The following TENM3 variants were observed in gnomAD, a reference collection of about 807,000 sequenced individuals.
The protein encoded by TENM3 is teneurin transmembrane protein 3.
In TENM3, 63 loss-of-function variants were observed where a neutral mutation model predicts 255.1. That is an observed-to-expected ratio of 0.25 (90% CI 0.20 to 0.30). TENM3 has a LOEUF of 0.30. Ranked by LOEUF, TENM3 falls within the 10% of genes least tolerant of loss-of-function variation. The probability of loss-of-function intolerance (pLI) is 1.00; values close to 1 mark genes in which losing one functional copy is unlikely to be tolerated. For synonymous variants in TENM3, 1,306 were observed against 1,322.3 expected (o/e 0.99, Z 0.27); for missense variants, 2,929 against 3,461.1 (o/e 0.85, Z 3.86).
the TENM3 span, among the ~76,000 whole-genome samples, chr4:181,543,090 A>G: frequency 6.6e-6 from 1 of 152,224 alleles, no homozygotes; most frequent in African/African-American, 2.4e-5. Context: ...GAGCAAGGCA[A>G]CTACAAAATT....
the TENM3 span, among the ~76,000 whole-genome samples, chr4:181,818,109 T>G: frequency 1.3e-5 from 2 of 152,250 alleles, no homozygotes; most frequent in Non-Finnish European, 2.9e-5. Flanking sequence ...GTTGTACTAC[T>G]CTTCTGGGAT....
intron 3 of TENM3, among the ~76,000 whole-genome samples, chr4:182,419,191 A>C (rs571285448): frequency 5.3e-5 from 8 of 152,328 alleles, no homozygotes; most frequent in African/African-American, 1.9e-4. Flanking sequence ...CTTTTATATA[A>C]ACTCTGTAAA....
the TENM3 span, among the ~76,000 whole-genome samples, chr4:182,044,919 A>T: frequency 6.6e-6 from 1 of 152,234 alleles, no homozygotes; most frequent in Non-Finnish European, 1.5e-5. Context: ...TAAGCAAAGA[A>T]GTGGACGAGA....
At chr4:181,682,236 T>C in the TENM3 span, among the ~76,000 whole-genome samples, 2 of 152,164 alleles carry the variant, frequency 1.3e-5, no homozygotes, top group African/African-American at 4.8e-5. Flanking sequence ...GGTGTTTATA[T>C]CATCGAACGC....
At chr4:182,753,013 C>T (rs1208597532) in intron 20 of TENM3, among the ~76,000 whole-genome samples, 37 of 137,528 alleles carry the variant, frequency 2.7e-4, no homozygotes. Context: ...ATGGTGCGAT[C>T]TCGGCTCACT....
intron 6 of TENM3, among the ~76,000 whole-genome samples, chr4:182,659,632 A>G (rs1754051671): frequency 6.6e-6 from 1 of 152,104 alleles, no homozygotes; most frequent in Non-Finnish European, 1.5e-5. Flanking sequence ...TCAGTCTCTA[A>G]GTTCCTTCAA....
At chr4:181,942,404 G>C in the TENM3 span, among the ~76,000 whole-genome samples, 1 of 151,572 alleles carries the variant, frequency 6.6e-6, no homozygotes, top group African/African-American at 2.4e-5. Flanking sequence ...GGTCCTTCAG[G>C]CCTTCTAAGT....
the TENM3 span, among the ~76,000 whole-genome samples, chr4:181,947,114 G>C: frequency 0.019 from 2,868 of 152,194 alleles, 89 homozygotes; most frequent in African/African-American, 0.066. Flanking sequence ...TACCAGAGTT[G>C]TTTACTCAGT....
intron 22 of TENM3, among the ~76,000 whole-genome samples, chr4:182,764,437 A>C (rs948709408): frequency 3.3e-5 from 5 of 152,188 alleles, no homozygotes; most frequent in Admixed American, 3.3e-4. Flanking sequence ...AAGTGCTAAG[A>C]TAGTTGTTCG....
At chr4:182,711,877 T>C (rs914713196) in intron 12 of TENM3, among the ~76,000 whole-genome samples, 3 of 152,026 alleles carry the variant, frequency 2.0e-5, no homozygotes, top group African/African-American at 7.2e-5. Flanking sequence ...TGTTTTTTGG[T>C]TTTGGAGGTT....
chr4:181,983,388 C>T, the TENM3 span, among the ~76,000 whole-genome samples: 1 of 151,988 alleles, frequency 6.6e-6, no homozygotes, highest in Non-Finnish European at 1.5e-5. Context: ...TTTAAACTGC[C>T]AAGATAATGA....
intron 3 of TENM3, among the ~76,000 whole-genome samples, chr4:182,497,059 C>CTT (rs112562945): frequency 1.4e-3 from 196 of 144,812 alleles, no homozygotes; most frequent in African/African-American, 4.6e-3. Context: ...CCACTTACAG[C>CTT]TTTTTTTTTT....
At chr4:182,692,876 G>A (rs1306305543) in intron 12 of TENM3, among the ~76,000 whole-genome samples, 4 of 151,670 alleles carry the variant, frequency 2.6e-5, no homozygotes, top group African/African-American at 2.4e-5. Flanking sequence ...CTCTCCATCC[G>A]TTATCCTAAA....
intron 1 of TENM3, among the ~76,000 whole-genome samples, chr4:182,311,502 G>A (rs1012682336): frequency 3.3e-5 from 5 of 152,160 alleles, no homozygotes; most frequent in African/African-American, 1.2e-4. Context: ...TAAGAGGAGA[G>A]ATTTGGAATG....
At chr4:182,222,707 C>CT (rs1237267079) in intron 1 of TENM3, among the ~76,000 whole-genome samples, 2 of 152,182 alleles carry the variant, frequency 1.3e-5, no homozygotes, top group Non-Finnish European at 2.9e-5. Flanking sequence ...CTTCTTTCTG[C>CT]TTTTTCCATT....
the TENM3 span, among the ~76,000 whole-genome samples, chr4:181,750,479 A>T: frequency 6.6e-6 from 1 of 152,204 alleles, no homozygotes; most frequent in South Asian, 2.1e-4. Flanking sequence ...AACTAGGCAG[A>T]GTTAACTTTT....
At chr4:181,852,210 G>A in the TENM3 span, among the ~76,000 whole-genome samples, 4 of 152,204 alleles carry the variant, frequency 2.6e-5, no homozygotes, top group African/African-American at 9.6e-5. Flanking sequence ...CTAAAACATC[G>A]GGTGATGTGT....
chr4:182,381,967 T>C (rs1380272264), intron 3 of TENM3, among the ~76,000 whole-genome samples: 1 of 152,174 alleles, frequency 6.6e-6, no homozygotes, highest in Non-Finnish European at 1.5e-5. Context: ...AGGTCTTGAG[T>C]GAGTATTGCT....
At chr4:181,774,009 T>TG in the TENM3 span, among the ~76,000 whole-genome samples, 28 of 129,824 alleles carry the variant, frequency 2.2e-4, no homozygotes, top group Non-Finnish European at 2.7e-4. Context: ...CTGTGTTTTT[T>TG]TTTTTTTTTT....
Sources: gnomAD v4.1 joint callset for allele counts (sites outside exome capture counted in the v4.1 genomes callset) on GRCh38, gnomAD v4.1.1 for gene constraint, MANE v1.5 for transcripts, NCBI Gene and HGNC (gene_info 2026-07-23, HGNC 2026-07-21) for gene names.